Variants in SLC16A7 observed in about 807,000 individuals in gnomAD.
SLC16A7 encodes solute carrier family 16 member 7.
In SLC16A7, 33 loss-of-function variants were observed where a neutral mutation model predicts 34.9. That is an observed-to-expected ratio of 0.94 (90% confidence interval 0.72 to 1.26). The LOEUF (loss-of-function observed/expected upper bound fraction) is 1.26, where lower values mean the gene tolerates loss of function less well. Among genes scored for constraint, SLC16A7 ranks in the 50% most tolerant of loss-of-function variants. The pLI is 0.00. For missense variants in SLC16A7, 573 were observed against 578.1 expected (o/e 0.99, Z 0.09); for synonymous variants, 201 against 206.6 (o/e 0.97, Z 0.23).
chr12:59,654,930 C>A (rs546380856), intron 1 of SLC16A7, among the ~76,000 whole-genome samples: 1 of 151,862 alleles, frequency 6.6e-6, no homozygotes, highest in Admixed American at 6.6e-5. Flanking sequence ...TAACATGGGG[C>A]TAGTGGTGAT....
At chr12:59,765,012 A>C (rs961632894) in intron 3 of SLC16A7, among the ~76,000 whole-genome samples, 3 of 152,162 alleles carry the variant, frequency 2.0e-5, no homozygotes, top group African/African-American at 4.8e-5. Context: ...CTGACTTTTA[A>C]TGATAGCCAT....
intron 3 of SLC16A7, among the ~76,000 whole-genome samples, chr12:59,725,194 A>C (rs1466533733): frequency 6.6e-6 from 1 of 152,110 alleles, no homozygotes; most frequent in Non-Finnish European, 1.5e-5. Context: ...GTTTGTCGTT[A>C]AACAGCTAGA....
intron 1 of SLC16A7, among the ~76,000 whole-genome samples, chr12:59,603,184 G>A (rs1393152851): frequency 6.6e-6 from 1 of 152,188 alleles, no homozygotes; most frequent in East Asian, 1.9e-4. Context: ...CTACAGTCAT[G>A]TAATAGTCTC....
At position 59,781,075 on chromosome 12, in the gene SLC16A7, A is replaced by G. The variant is rs747456659; in HGVS notation, c.*1396A>G. ...AACCTGATAGCAAAAAACTTGAAATATTGCAGCCCAGTTTAATTCAGCACT... is the reference window on the plus strand; with the variant it reads ...AACCTGATAGCAAAAAACTTGAAATGTTGCAGCCCAGTTTAATTCAGCACT... On this transcript the variant is annotated 3_prime_UTR_variant, in exon 6 of 6. Coordinates refer to ENST00000547379, the MANE Select transcript of SLC16A7 (RefSeq NM_001270623.2). 7.9e-5 allele frequency: 12 copies of G among 152,144 alleles called. No homozygotes were observed. Among genetic ancestry groups the G allele is most frequent in the Admixed American group, 2.6e-4 (4 of 15,258 alleles). 9.4% of individuals were successfully genotyped at this position (152,144 alleles called of 1,614,324 possible).
intron 1 of SLC16A7, among the ~76,000 whole-genome samples, chr12:59,634,439 T>A (rs1399657063): frequency 6.6e-6 from 1 of 152,048 alleles, no homozygotes; most frequent in East Asian, 1.9e-4. Flanking sequence ...GTGAGAGAGA[T>A]TGAGCAAGTG....
chr12:59,696,998 A>G (rs1015519868), intron 2 of SLC16A7, among the ~76,000 whole-genome samples: 1 of 151,922 alleles, frequency 6.6e-6, no homozygotes, highest in African/African-American at 2.4e-5. Context: ...AACAGAAAAG[A>G]TTAAGGAGAA....
chr12:59,733,475 G>A (rs1157954003), intron 3 of SLC16A7, among the ~76,000 whole-genome samples: 1 of 152,156 alleles, frequency 6.6e-6, no homozygotes, highest in Admixed American at 6.5e-5. Context: ...CTGCTGGCTG[G>A]ACCGGGCATA....
chr12:59,680,461 G>C (rs1434634962), intron 2 of SLC16A7, among the ~76,000 whole-genome samples: 2 of 152,158 alleles, frequency 1.3e-5, no homozygotes, highest in African/African-American at 4.8e-5. Context: ...GCAGATAGGA[G>C]AGAAGGAGGT....
rs774873056 is a variant in SLC16A7 at position 59,779,522 on chromosome 12, T to C, written c.1280T>C (p.Ile427Thr). The change falls in exon 6 of 6, where the codon ATC becomes ACC. Residue 427 changes from isoleucine (I) to threonine (T), a missense_variant. Physicochemically the swap from Ile to Thr is moderately conservative, Grantham distance 89 (BLOSUM62 -1). Coordinates refer to ENST00000547379, the MANE Select transcript of SLC16A7 (RefSeq NM_001270623.2). ...GTGTGGCTGCTCATTGGCAATGCTATCAACTATAGATTGCTTGCAAAGGAA... is the reference window on the plus strand; with the variant it reads ...GTGTGGCTGCTCATTGGCAATGCTACCAACTATAGATTGCTTGCAAAGGAA... ...ASVWLLIGNAINYRLLAKERK... is the reference protein window; with the variant it reads ...ASVWLLIGNATNYRLLAKERK... 1 of 1,612,794 alleles carries C rather than the reference T, an allele frequency of 6.2e-7. No individual in the cohort carries two copies. Among genetic ancestry groups the C allele is most frequent in the East Asian group, 2.2e-5 (1 of 44,820 alleles).
chr12:59,698,711 A>G (rs1872574616), intron 2 of SLC16A7, among the ~76,000 whole-genome samples: 1 of 151,804 alleles, frequency 6.6e-6, no homozygotes, highest in Non-Finnish European at 1.5e-5. Flanking sequence ...TTAAAATGGC[A>G]TAAGCAGCTT....
intron 1 of SLC16A7, among the ~76,000 whole-genome samples, chr12:59,615,040 A>T (rs1879384862): frequency 6.6e-6 from 1 of 151,458 alleles, no homozygotes; most frequent in African/African-American, 2.4e-5. Context: ...ATAAATAAAT[A>T]AAAGAGGCTC....
intron 3 of SLC16A7, chr12:59,760,983 C>A: frequency 3.0e-6 from 1 of 331,976 alleles, no homozygotes; most frequent in South Asian, 2.5e-5. Context: ...TAACATTGTG[C>A]ATGGATTCTT....
At chr12:59,671,722 ATATG>A (rs1869719790) in intron 2 of SLC16A7, among the ~76,000 whole-genome samples, 1 of 145,976 alleles carries the variant, frequency 6.9e-6, no homozygotes, top group Non-Finnish European at 1.5e-5. Context: ...ATGTGTATAT[ATATG>A]TGTATATATG....
At chr12:59,638,686 G>A (rs1470653585) in intron 1 of SLC16A7, among the ~76,000 whole-genome samples, 1 of 152,090 alleles carries the variant, frequency 6.6e-6, no homozygotes, top group Admixed American at 6.5e-5. Context: ...TAGAATCTCT[G>A]TTAGCTGTTT....
rs1872479815 is a variant in SLC16A7, at chr12:59,697,746, T to G, written c.-30-7026T>G. Among the ~76,000 whole-genome samples, 3 of 151,370 alleles carry G rather than the reference T, an allele frequency of 2.0e-5. 1 individual carries two copies. Among genetic ancestry groups the G allele is most frequent in the Non-Finnish European group, 1.5e-5 (1 of 67,674 alleles). On this transcript the variant is annotated intron_variant, in intron 2 of 5. Coordinates refer to ENST00000547379, the MANE Select transcript of SLC16A7 (RefSeq NM_001270623.2). The stretch of plus-strand genomic sequence containing the variant: ...AAAAAAAGTCTGCCTCAAACAAACA[T>G]ATATGGGCCTAACATTTTATTTTGG...
intron 1 of SLC16A7, among the ~76,000 whole-genome samples, chr12:59,619,295 A>G (rs535865527): frequency 6.6e-6 from 1 of 152,180 alleles, no homozygotes; most frequent in Non-Finnish European, 1.5e-5. Context: ...TCGTGCAATC[A>G]AAGAATCTTG....
At chr12:59,644,867 T>A (rs1880840447) in intron 1 of SLC16A7, among the ~76,000 whole-genome samples, 1 of 152,196 alleles carries the variant, frequency 6.6e-6, no homozygotes, top group Non-Finnish European at 1.5e-5. Flanking sequence ...TTAAGACTCT[T>A]ATTTGTTAAT....
intron 3 of SLC16A7, among the ~76,000 whole-genome samples, chr12:59,770,264 G>A (rs1364129334): frequency 2.6e-5 from 4 of 151,804 alleles, no homozygotes; most frequent in African/African-American, 7.3e-5. Context: ...TTTCACTACC[G>A]GACTCTTCTA....
intron 3 of SLC16A7, among the ~76,000 whole-genome samples, chr12:59,767,020 A>T (rs1038485106): frequency 2.0e-5 from 3 of 151,740 alleles, no homozygotes; most frequent in Non-Finnish European, 2.9e-5. Flanking sequence ...CCTGTTATTG[A>T]TCTATTCAGA....
Sources: allele counts gnomAD v4.1 joint callset (sites outside exome capture counted in the v4.1 genomes callset), GRCh38; gene constraint gnomAD v4.1.1; transcripts MANE v1.5; gene names NCBI Gene and HGNC (gene_info 2026-07-23, HGNC 2026-07-21).